Variants in ERICH1 observed in about 807,000 individuals in gnomAD.
ERICH1 encodes the protein glutamate-rich protein 1.
A neutral mutation model predicts 39.6 loss-of-function variants in ERICH1; 56 were observed. The ratio of observed to expected loss-of-function variants is 1.41; its 90% CI spans 1.14 to 1.77. ERICH1 has a LOEUF of 1.77. Ranked by LOEUF, ERICH1 falls within the 40% of genes most tolerant of loss-of-function variation. The pLI, the probability that ERICH1 is intolerant of heterozygous loss-of-function variation, is 0.00. For missense variants in ERICH1, 826 were observed against 575.4 expected (o/e 1.44, Z -4.45); for synonymous variants, 313 against 223.6 (o/e 1.40, Z -3.57).
intron 3 of ERICH1, among the ~76,000 whole-genome samples, chr8:638,342 C>T (rs982866955): frequency 2.0e-5 from 3 of 152,220 alleles, no homozygotes; most frequent in Non-Finnish European, 4.4e-5. Flanking sequence ...TGGGCACGTT[C>T]AGACCCTCAG....
At chr8:639,634 ACACGAC>A (rs1798759269) in intron 3 of ERICH1, among the ~76,000 whole-genome samples, 3 of 148,964 alleles carry the variant, frequency 2.0e-5, no homozygotes, top group Admixed American at 6.7e-5. Context: ...CAGTTAGCAG[ACACGAC>A]CAAGCACCCT....
chr8:655,764 C>G (rs117492005), intron 3 of ERICH1, among the ~76,000 whole-genome samples: 1 of 143,668 alleles, frequency 7.0e-6, no homozygotes, highest in Non-Finnish European at 1.5e-5. Context: ...CAGTCACACA[C>G]GGTAGACAGT....
chr8:650,458 C>T (rs979776032), intron 3 of ERICH1, among the ~76,000 whole-genome samples: 3 of 152,194 alleles, frequency 2.0e-5, no homozygotes, highest in Admixed American at 6.5e-5. Context: ...TCTCAGTTAC[C>T]GTCCTCGGCA....
chr8:719,242 A>G (rs1816744999), intron 1 of ERICH1, among the ~76,000 whole-genome samples: 3 of 152,208 alleles, frequency 2.0e-5, no homozygotes, highest in African/African-American at 4.8e-5. Flanking sequence ...CCGTCATCCA[A>G]CAGCGGGCTC....
At position 715,924 on chromosome 8, in the gene ERICH1, G is replaced by C. The variant is rs1208190003; in HGVS notation, c.106C>G (p.Gln36Glu). ...GAGGTCACTTTCTTTGGTGGATTTT[G>C]GACGGCCAGCGTCTGGGGTTCCCTC... ...GKREPQTLAV[Q>E]NPPKKVTSEK... is the part of the protein sequence containing the mutation. The change falls in exon 2 of 6, where the codon CAA (glutamine) becomes GAA (glutamate). Residue 36 changes from glutamine (Q) to glutamate (E), a missense_variant. Transcript: ENST00000262109. 6.2e-7 allele frequency: 1 copy of C among 1,613,884 alleles called. No individual in the cohort carries two copies. Among genetic ancestry groups the C allele is most frequent in the Non-Finnish European group, 8.5e-7 (1 of 1,179,984 alleles).
At chr8:684,954 G>A (rs1192645943) in intron 3 of ERICH1, among the ~76,000 whole-genome samples, 1 of 152,200 alleles carries the variant, frequency 6.6e-6, no homozygotes, top group Admixed American at 6.5e-5. Flanking sequence ...AACTAGAATT[G>A]CTGATGAAGT....
intron 3 of ERICH1, chr8:627,242 G>C (rs988825620): frequency 2.2e-6 from 1 of 456,056 alleles, no homozygotes; most frequent in African/African-American, 2.0e-5. Context: ...TTCCCACCTG[G>C]AAGTTGGAGA....
chr8:708,681 G>GTTTTTTGTTTTTTGTTTTT, intron 2 of ERICH1, among the ~76,000 whole-genome samples: 1 of 65,816 alleles, frequency 1.5e-5, no homozygotes. Context: ...GGGATAATGA[G>GTTTTTTGTTTTTTGTTTTT]TTTTTTTTTT....
chr8:717,689 C>A (rs546520831), intron 1 of ERICH1, among the ~76,000 whole-genome samples: 7 of 152,226 alleles, frequency 4.6e-5, no homozygotes, highest in African/African-American at 9.6e-5. Context: ...AGGACAGGGG[C>A]GCTCAGAGCT....
chr8:688,421 C>G (rs1669670), intron 3 of ERICH1, among the ~76,000 whole-genome samples: 74,315 of 147,410 alleles, frequency 0.5, 18,814 homozygotes, highest in Middle Eastern at 0.61. Flanking sequence ...TTCCCTCCGG[C>G]CTTCCTTAGC....
chr8:655,586 G>C (rs1475588154), intron 3 of ERICH1, among the ~76,000 whole-genome samples: 1 of 152,062 alleles, frequency 6.6e-6, no homozygotes, highest in Non-Finnish European at 1.5e-5. Context: ...TCATCACGGG[G>C]GATCATTCTG....
At chr8:692,366 C>T (rs1043309563) in intron 3 of ERICH1, 112 bp downstream of exon 3, 2 of 1,476,100 alleles carry the variant, frequency 1.4e-6, no homozygotes, top group Non-Finnish European at 1.8e-6. Context: ...TAACAACATG[C>T]TCACCCACCC....
chr8:637,624 CTG>C, intron 3 of ERICH1: 1 of 152,550 alleles, frequency 6.6e-6, no homozygotes, highest in South Asian at 2.1e-4. Flanking sequence ...GGCAGGGAAG[CTG>C]TGTGGGGTGC....
chr8:639,220 CTG>C (rs1430615919), intron 3 of ERICH1, among the ~76,000 whole-genome samples: 2 of 152,128 alleles, frequency 1.3e-5, no homozygotes, highest in African/African-American at 4.8e-5. Flanking sequence ...GAAGTGCAGG[CTG>C]TGTTCCCACT....
chr8:692,608 A>G lies in ERICH1; in HGVS notation c.174T>C (p.Thr58=), dbSNP rs753242781. ...GTCGGGCAGTCGGGGTCTCAGAGCC[A>G]GTGTCTGCAACACAGGAGGAAAATA... The part of the protein sequence containing the change: ...SQKHAEPLTD[T]GSETPTARRL... The change falls in exon 3 of 6, where the codon ACT becomes ACC. Residue 58 remains threonine (T), a synonymous_variant. Transcript: ENST00000262109. The G allele has an allele frequency of 1.5e-5, 24 of 1,596,004 alleles. No individual in the cohort carries two copies. The highest frequency in any genetic ancestry group is 2.3e-5 in the East Asian group (1 of 43,928).
chr8:719,234 G>T (rs746934400), intron 1 of ERICH1, among the ~76,000 whole-genome samples: 2 of 152,162 alleles, frequency 1.3e-5, no homozygotes, highest in Non-Finnish European at 2.9e-5. Context: ...TGTTTGAGCC[G>T]TCATCCAACA....
intron 2 of ERICH1, among the ~76,000 whole-genome samples, chr8:711,963 G>A (rs757419675): frequency 2.0e-5 from 3 of 152,106 alleles, no homozygotes; most frequent in East Asian, 1.9e-4. Context: ...ATTTATGTGG[G>A]TCTATTTCTG....
chr8:707,691 C>G (rs1014736083), intron 2 of ERICH1, among the ~76,000 whole-genome samples: 1 of 152,150 alleles, frequency 6.6e-6, no homozygotes, highest in Non-Finnish European at 1.5e-5. Flanking sequence ...CTATAAAACT[C>G]TTAGAAGAAA....
At chr8:713,726 G>A (rs1025974351) in intron 2 of ERICH1, among the ~76,000 whole-genome samples, 3 of 152,136 alleles carry the variant, frequency 2.0e-5, no homozygotes, top group East Asian at 1.9e-4. Flanking sequence ...ACGAGGACCT[G>A]CCTGCTGAGA....
Sources: allele counts gnomAD v4.1 joint callset (sites outside exome capture counted in the v4.1 genomes callset), GRCh38; gene constraint gnomAD v4.1.1; transcripts MANE v1.5; gene names NCBI Gene and HGNC (gene_info 2026-07-23, HGNC 2026-07-21).